The following GRIK2 variants were observed in gnomAD, a reference collection of about 807,000 sequenced individuals.
GRIK2 encodes the protein glutamate ionotropic receptor kainate type subunit 2.
A neutral mutation model predicts 100.3 loss-of-function variants in GRIK2; 32 were observed. The observed-to-expected ratio is 0.32, with a 90% CI of 0.24 to 0.43. The LOEUF is 0.43. GRIK2 is among the 20% of genes least tolerant of loss of function. GRIK2 has a pLI of 1.00. For synonymous variants in GRIK2, 417 were observed against 389.4 expected, an observed-to-expected ratio of 1.07 and a Z score of -0.83; for missense variants, 843 against 1,114.9, an observed-to-expected ratio of 0.76 and a Z score of 3.47.
rs543099482 is a variant in GRIK2, at chr6:101,870,557, G to T, written c.1524+11064G>T. On this transcript the variant is annotated intron_variant, in intron 11 of 16. Transcript: ENST00000369134. The stretch of plus-strand genomic sequence containing the variant: ...TAGCACTTGCCACAATGCTTTACAC[G>T]TAGTCAAGATGGTCAATAAATATCT... Among the ~76,000 whole-genome samples, 9 of 151,900 alleles carry T rather than the reference G, an allele frequency of 5.9e-5. No individual in the cohort carries two copies. The East Asian group carries it at 9.7e-4, about 16-fold the overall frequency.
intron 7 of GRIK2, among the ~76,000 whole-genome samples, chr6:101,723,717 G>C (rs1774652261): frequency 6.6e-6 from 1 of 151,872 alleles, no homozygotes; most frequent in East Asian, 1.9e-4. Context: ...ATGTTTGAAG[G>C]CTAATAGCAT....
chr6:101,566,863 TAGAC>T (rs1480601190), intron 2 of GRIK2, among the ~76,000 whole-genome samples: 2 of 150,316 alleles, frequency 1.3e-5, no homozygotes, highest in African/African-American at 2.4e-5. Context: ...CATTTTATGA[TAGAC>T]ATATATACAT....
At chr6:101,569,549 T>G (rs2128298513) in intron 2 of GRIK2, among the ~76,000 whole-genome samples, 1 of 152,000 alleles carries the variant, frequency 6.6e-6, no homozygotes, top group South Asian at 2.1e-4. Context: ...ATTTAGTGTG[T>G]TTGTAAACAC....
intron 2 of GRIK2, among the ~76,000 whole-genome samples, chr6:101,427,564 G>A (rs1303780913): frequency 6.6e-6 from 1 of 152,122 alleles, no homozygotes; most frequent in Non-Finnish European, 1.5e-5. Flanking sequence ...CAACTAAGCT[G>A]GCACAATTCA....
intron 4 of GRIK2, among the ~76,000 whole-genome samples, chr6:101,654,676 A>C (rs991430066): frequency 6.6e-6 from 1 of 152,148 alleles, no homozygotes; most frequent in African/African-American, 2.4e-5. Context: ...CAACTAGGCT[A>C]CTTCCAACTT....
intron 10 of GRIK2, among the ~76,000 whole-genome samples, chr6:101,832,895 A>G (rs1782795167): frequency 6.6e-6 from 1 of 152,182 alleles, no homozygotes; most frequent in Admixed American, 6.5e-5. Context: ...TATTTGCTTC[A>G]TCTCAACTTT....
At chr6:101,504,266 A>G (rs1303791426) in intron 2 of GRIK2, among the ~76,000 whole-genome samples, 2 of 152,134 alleles carry the variant, frequency 1.3e-5, no homozygotes, top group African/African-American at 4.8e-5. Flanking sequence ...AGTCTGGCAT[A>G]AATTATTACA....
chr6:101,993,340 A>G (rs938910130), intron 14 of GRIK2: 1 of 151,554 alleles, frequency 6.6e-6, no homozygotes, highest in African/African-American at 2.4e-5. Flanking sequence ...CAAAGTAAAA[A>G]GGAAGATATA....
At chr6:101,716,106 T>G (rs1750222136) in intron 7 of GRIK2, among the ~76,000 whole-genome samples, 1 of 151,776 alleles carries the variant, frequency 6.6e-6, no homozygotes. Context: ...TGAGCGTCTA[T>G]GAATAAACCT....
At chr6:101,763,150 T>C (rs1195393437) in intron 7 of GRIK2, among the ~76,000 whole-genome samples, 2 of 152,100 alleles carry the variant, frequency 1.3e-5, no homozygotes, top group African/African-American at 2.4e-5. Flanking sequence ...AAAAGGACAA[T>C]GTACAGATTG....
At chr6:101,715,395 G>C (rs1773994679) in intron 7 of GRIK2, among the ~76,000 whole-genome samples, 1 of 151,726 alleles carries the variant, frequency 6.6e-6, no homozygotes, top group Admixed American at 6.6e-5. Flanking sequence ...CCTGAGACTT[G>C]GAAGATGAAG....
At chr6:101,898,372 C>T (rs1319149627) in intron 12 of GRIK2, among the ~76,000 whole-genome samples, 5 of 151,432 alleles carry the variant, frequency 3.3e-5, no homozygotes, top group Admixed American at 3.3e-4. Context: ...GTTTTTCTTC[C>T]CAAAATTTAG....
intron 14 of GRIK2, among the ~76,000 whole-genome samples, chr6:101,948,743 G>A (rs1452080384): frequency 6.6e-6 from 1 of 151,764 alleles, no homozygotes; most frequent in Non-Finnish European, 1.5e-5. Flanking sequence ...CCAAAGCGTT[G>A]GGATTACAGG....
At chr6:101,922,086 T>TCCTTCCTTCCTC (rs1789562290) in intron 12 of GRIK2, among the ~76,000 whole-genome samples, 2 of 22,476 alleles carry the variant, frequency 8.9e-5, no homozygotes, top group African/African-American at 3.8e-4. Context: ...TTTCCTTCCT[T>TCCTTCCTTCCTC]CCTTCCTTCC....
intron 4 of GRIK2, among the ~76,000 whole-genome samples, chr6:101,671,707 T>C (rs1230900699): frequency 1.3e-5 from 2 of 152,064 alleles, no homozygotes; most frequent in East Asian, 3.9e-4. Context: ...CTACTAAAAA[T>C]ACAAAAATTA....
intron 2 of GRIK2, among the ~76,000 whole-genome samples, chr6:101,421,370 A>G (rs1005907426): frequency 1.3e-5 from 2 of 152,188 alleles, no homozygotes; most frequent in Non-Finnish European, 2.9e-5. Flanking sequence ...GTTTACTCGC[A>G]CGGAAGAAAG....
At chr6:101,619,521 C>T (rs1490810759) in intron 2 of GRIK2, among the ~76,000 whole-genome samples, 1 of 151,324 alleles carries the variant, frequency 6.6e-6, no homozygotes. Context: ...AATATTGATC[C>T]AATATTATAA....
At chr6:101,930,686 AATTTTT>A (rs1790212567) in intron 14 of GRIK2, among the ~76,000 whole-genome samples, 1 of 151,930 alleles carries the variant, frequency 6.6e-6, no homozygotes, top group South Asian at 2.1e-4. Flanking sequence ...TTCTTTATAA[AATTTTT>A]ATTTTTAAGC....
intron 10 of GRIK2, among the ~76,000 whole-genome samples, chr6:101,827,963 C>A (rs1782444745): frequency 6.6e-6 from 1 of 151,874 alleles, no homozygotes; most frequent in African/African-American, 2.4e-5. Flanking sequence ...CCATCCAAAA[C>A]CCACAGAATA....
Sources: allele counts gnomAD v4.1 joint callset (sites outside exome capture counted in the v4.1 genomes callset), GRCh38; gene constraint gnomAD v4.1.1; transcripts MANE v1.5; gene names NCBI Gene and HGNC (gene_info 2026-07-23, HGNC 2026-07-21).